ST6GALNAC5: variants seen among roughly 807,000 people sequenced by gnomAD.
The protein encoded by ST6GALNAC5 is ST6 N-acetylgalactosaminide alpha-2,6-sialyltransferase 5.
ST6GALNAC5 carries 27 observed loss-of-function variants against 33.6 expected under a neutral mutation model. The ratio of observed to expected loss-of-function variants is 0.80; its 90% CI spans 0.59 to 1.11. The LOEUF (loss-of-function observed/expected upper bound fraction) is 1.11. ST6GALNAC5 is among the 50% of genes least tolerant of loss of function. The pLI is 0.00. For synonymous variants in ST6GALNAC5, 194 were observed against 171.2 expected (o/e 1.13, Z -1.04); for missense variants, 428 against 454.0 (o/e 0.94, Z 0.52).
At chr1:76,986,350 C>G (rs939022798) in intron 2 of ST6GALNAC5, among the ~76,000 whole-genome samples, 1 of 152,020 alleles carries the variant, frequency 6.6e-6, no homozygotes, top group Non-Finnish European at 1.5e-5. Context: ...AAAAAGTGTG[C>G]AAAGATATGA....
chr1:76,939,986 T>C (rs112048503), intron 2 of ST6GALNAC5, among the ~76,000 whole-genome samples: 2,136 of 152,188 alleles, frequency 0.014, 50 homozygotes, highest in African/African-American at 0.048. Flanking sequence ...AGTATGACTA[T>C]TGAATTGTTG....
At chr1:76,929,418 A>G (rs1017281729) in intron 2 of ST6GALNAC5, among the ~76,000 whole-genome samples, 3 of 152,108 alleles carry the variant, frequency 2.0e-5, no homozygotes, top group Non-Finnish European at 4.4e-5. Flanking sequence ...GCATGCCCGT[A>G]GTCCCATCTA....
chr1:77,029,352 G>A (rs1651366435), intron 2 of ST6GALNAC5, among the ~76,000 whole-genome samples: 1 of 152,206 alleles, frequency 6.6e-6, no homozygotes, highest in Admixed American at 6.5e-5. Context: ...AAAAAAGTGG[G>A]AGGTTCTACT....
intron 2 of ST6GALNAC5, among the ~76,000 whole-genome samples, chr1:76,975,377 C>A (rs570659175): frequency 3.9e-5 from 6 of 152,172 alleles, no homozygotes; most frequent in African/African-American, 1.4e-4. Flanking sequence ...CTATATATTT[C>A]TTGATATTGA....
chr1:76,923,939 A>G (rs1249566452), intron 2 of ST6GALNAC5, among the ~76,000 whole-genome samples: 1 of 152,152 alleles, frequency 6.6e-6, no homozygotes, highest in Non-Finnish European at 1.5e-5. Context: ...TACAGCATGC[A>G]CTTTCCTGAG....
intron 2 of ST6GALNAC5, among the ~76,000 whole-genome samples, chr1:76,874,618 C>T (rs147469432): frequency 1.3e-5 from 2 of 152,162 alleles, no homozygotes; most frequent in African/African-American, 4.8e-5. Flanking sequence ...GAGACTAGGC[C>T]CATCTCACCA....
At chr1:77,014,844 C>A (rs754486427) in intron 2 of ST6GALNAC5, among the ~76,000 whole-genome samples, 2 of 152,112 alleles carry the variant, frequency 1.3e-5, no homozygotes, top group Non-Finnish European at 2.9e-5. Context: ...ACTTTTTCCT[C>A]ACAAGGATTT....
intron 2 of ST6GALNAC5, among the ~76,000 whole-genome samples, chr1:76,961,577 AC>A (rs1445102322): frequency 6.6e-6 from 1 of 152,178 alleles, no homozygotes; most frequent in African/African-American, 2.4e-5. Flanking sequence ...CTGCCTGTGC[AC>A]CAGCCCCTGG....
Position 76,914,872 on chromosome 1 carries a change from A to G in ST6GALNAC5, c.261+46130A>G, listed in dbSNP as rs991204145. 3.8e-3 allele frequency among the ~76,000 whole-genome samples: 575 copies of G among 152,342 alleles called. 5 individuals are homozygous for G. The highest frequency in any genetic ancestry group is 0.013 in the African/African-American group (551 of 41,582). The stretch of plus-strand genomic sequence containing the variant: ...TAATTAAACTCAAGAACTTCTGCAC[A>G]GCAAAAGAAACTACCATCAGAGTGA... On this transcript the variant is annotated intron_variant, in intron 2 of 4. Transcript: ENST00000477717.
intron 2 of ST6GALNAC5, among the ~76,000 whole-genome samples, chr1:76,901,126 C>T (rs1344414029): frequency 6.6e-6 from 1 of 152,176 alleles, no homozygotes; most frequent in African/African-American, 2.4e-5. Context: ...TTCCAACATC[C>T]TCCTCTGATG....
At chr1:77,060,271 T>C (rs773343689) in intron 4 of ST6GALNAC5, 5 of 152,072 alleles carry the variant, frequency 3.3e-5, no homozygotes, top group Non-Finnish European at 5.9e-5. Flanking sequence ...GGGCCCACAA[T>C]GGGAACTTGA....
In ST6GALNAC5 at chr1:76,960,188, G is replaced by C. The variant is rs184161305; in HGVS notation, c.262-84016G>C. Among the ~76,000 whole-genome samples the C allele has an allele frequency of 6.6e-5, 10 of 152,118 alleles. No individual in the cohort carries two copies. The South Asian group carries it at 2.1e-3, about 32-fold the overall frequency. The stretch of plus-strand genomic sequence containing the variant: ...TTTCTATTTTCCCTAAGTGTCAGTC[G>C]GTCTGAGAAATAAAGGGACAGAGTA... On this transcript the variant is annotated intron_variant, in intron 2 of 4. Transcript: ENST00000477717.
intron 1 of ST6GALNAC5, 87 bp downstream of exon 1, chr1:76,867,777 G>A: frequency 1.3e-6 from 2 of 1,596,072 alleles, no homozygotes; most frequent in Admixed American, 3.4e-5. Context: ...ACTCCGAGAC[G>A]CCTAACCCTG....
chr1:76,942,724 G>A (rs372905080), intron 2 of ST6GALNAC5, among the ~76,000 whole-genome samples: 3 of 152,072 alleles, frequency 2.0e-5, no homozygotes, highest in East Asian at 1.9e-4. Flanking sequence ...AGATAAACCA[G>A]ACTCCAAAAG....
chr1:77,062,521 A>T (rs764416818), intron 4 of ST6GALNAC5, among the ~76,000 whole-genome samples: 1 of 152,182 alleles, frequency 6.6e-6, no homozygotes, highest in African/African-American at 2.4e-5. Flanking sequence ...GATTAGGAGA[A>T]GACTTAGAAG....
At chr1:76,977,173 A>C (rs1271477759) in intron 2 of ST6GALNAC5, among the ~76,000 whole-genome samples, 8 of 152,144 alleles carry the variant, frequency 5.3e-5, no homozygotes, top group Admixed American at 4.6e-4. Flanking sequence ...ATTACTAATA[A>C]GTTTTTTATT....
At position 76,868,316 on chromosome 1, in the gene ST6GALNAC5, C is replaced by A. The variant is rs1419754777; in HGVS notation, c.16-181C>A. ...GAAAGCAGCGACGCGCCCGGAGCATCCCTTGCGATACGCTAGGGGACGGTG... is the reference window on the plus strand; with the variant it reads ...GAAAGCAGCGACGCGCCCGGAGCATACCTTGCGATACGCTAGGGGACGGTG... On this transcript the variant is annotated intron_variant, in intron 1 of 4. Transcript: ENST00000477717. This position sits in a 1 kb window ranked among gnomAD's most constrained non-coding sequence, Gnocchi z 4.3. Among the ~76,000 whole-genome samples the A allele has an allele frequency of 6.6e-6, 1 of 152,022 alleles. No homozygotes were observed. Among genetic ancestry groups the A allele is most frequent in the Admixed American group, 6.5e-5 (1 of 15,278 alleles).
intron 2 of ST6GALNAC5, among the ~76,000 whole-genome samples, chr1:76,916,667 C>T (rs548908573): frequency 7.2e-5 from 11 of 151,878 alleles, no homozygotes; most frequent in Admixed American, 3.9e-4. Context: ...TTTAATGCTC[C>T]GTTTAAAATC....
At chr1:76,914,686 T>G (rs1296261808) in intron 2 of ST6GALNAC5, among the ~76,000 whole-genome samples, 4 of 152,088 alleles carry the variant, frequency 2.6e-5, no homozygotes, top group Admixed American at 1.3e-4. Context: ...ATACAAAAAT[T>G]AATTCAAGAT....
Sources: gnomAD v4.1 joint callset for allele counts (sites outside exome capture counted in the v4.1 genomes callset) on GRCh38, gnomAD v4.1.1 for gene constraint, Gnocchi (gnomAD v3.1) non-coding constraint, MANE v1.5 for transcripts, NCBI Gene and HGNC (gene_info 2026-07-23, HGNC 2026-07-21) for gene names.